Variants in RIMBP2 observed in about 807,000 individuals in gnomAD.
RIMBP2 encodes the protein RIMS binding protein 2, also known as RIMS-binding protein 2.
In RIMBP2, 48 loss-of-function variants were observed where a neutral mutation model predicts 118.6. The observed-to-expected ratio is 0.40, with a 90% CI of 0.32 to 0.51. The LOEUF is 0.51. Among genes scored for constraint, RIMBP2 ranks in the 20% least tolerant of loss-of-function variants. RIMBP2 has a pLI of 0.41. For missense variants in RIMBP2, 1,551 were observed against 1,768.3 expected, an observed-to-expected ratio of 0.88 and a Z score of 2.20; for synonymous variants, 762 against 742.9, an observed-to-expected ratio of 1.03 and a Z score of -0.42.
At chr12:130,541,055 G>T (rs923089472) in intron 2 of RIMBP2, among the ~76,000 whole-genome samples, 1 of 152,146 alleles carries the variant, frequency 6.6e-6, no homozygotes, top group African/African-American at 2.4e-5. Context: ...GCTATCACAG[G>T]ATGGAAGAGG....
At chr12:130,488,932 C>T (rs1258600813) in intron 4 of RIMBP2, among the ~76,000 whole-genome samples, 1 of 152,088 alleles carries the variant, frequency 6.6e-6, no homozygotes, top group African/African-American at 2.4e-5. Flanking sequence ...TGAGAAGAAC[C>T]GATGCATGTA....
intron 1 of RIMBP2, among the ~76,000 whole-genome samples, chr12:130,662,293 T>C (rs1476145210): frequency 6.6e-6 from 1 of 152,124 alleles, no homozygotes; most frequent in Non-Finnish European, 1.5e-5. Context: ...TCGCGTCTCC[T>C]CCTTGGCCAG....
rs1243387499 is a variant in RIMBP2 at position 130,581,236 on chromosome 12, G to A, written c.-217+47086C>T. Among the ~76,000 whole-genome samples the A allele has an allele frequency of 6.6e-6, 1 of 152,112 alleles. No homozygotes were observed. The highest frequency in any genetic ancestry group is 1.9e-4 in the East Asian group (1 of 5,178). On this transcript the variant is annotated intron_variant, in intron 2 of 22. Coordinates refer to ENST00000690449, the MANE Select transcript of RIMBP2 (RefSeq NM_001393629.1). This position sits in a 1 kb window ranked among gnomAD's most constrained non-coding sequence, Gnocchi z 4.4. The stretch of plus-strand genomic sequence containing the variant: ...TCAACTGAAATGCCCCGTGGTCCCA[G>A]GTCACACAGGGGTGTGCCGGGAGTC...
rs534522187 is a variant in RIMBP2 at position 130,648,403 on chromosome 12, T to TA, written c.-351-19948dup. Among the ~76,000 whole-genome samples the TA allele has an allele frequency of 2.5e-4, 36 of 145,176 alleles. 1 individual carries two copies. Among genetic ancestry groups the TA allele is most frequent in the East Asian group, 2.0e-3 (10 of 5,126 alleles). On this transcript the variant is annotated intron_variant, in intron 1 of 22. Transcript: ENST00000690449. ...AATTACACACATAAGGTATTCATTG[T>TA]AAAAAAAATTGAAAAGCATAAAGGA...
intron 1 of RIMBP2, among the ~76,000 whole-genome samples, chr12:130,696,509 C>A (rs551474742): frequency 2.2e-4 from 33 of 152,222 alleles, no homozygotes; most frequent in Admixed American, 3.9e-4. Context: ...TGTAAAGTAA[C>A]AATTAATATA....
Position 130,691,292 on chromosome 12 carries a change from C to A in RIMBP2, c.-352+24930G>T, listed in dbSNP as rs75862904. 3.9e-3 allele frequency among the ~76,000 whole-genome samples: 590 copies of A among 152,276 alleles called. 4 individuals carry two copies. The highest frequency in any genetic ancestry group is 0.013 in the African/African-American group (555 of 41,548). On this transcript the variant is annotated intron_variant, in intron 1 of 22. Coordinates refer to ENST00000690449, the MANE Select transcript of RIMBP2 (RefSeq NM_001393629.1). The stretch of plus-strand genomic sequence containing the variant: ...CAGTGAAGGCCCAGCGGAACCAACC[C>A]GAGGAATGTGTGCTCACAAAGAGGC...
intron 1 of RIMBP2, among the ~76,000 whole-genome samples, chr12:130,709,423 G>A (rs575628226): frequency 6.6e-6 from 1 of 152,370 alleles, no homozygotes; most frequent in Admixed American, 6.5e-5. Flanking sequence ...CGTGACGCCC[G>A]ACAGCAGAGC....
intron 2 of RIMBP2, among the ~76,000 whole-genome samples, chr12:130,558,109 A>T (rs1026352738): frequency 1.3e-5 from 2 of 152,202 alleles, no homozygotes; most frequent in Non-Finnish European, 2.9e-5. Context: ...TACTATGGTT[A>T]TGACAACCAT....
chr12:130,406,344 C>T (rs1156678525), intron 20 of RIMBP2, 101 bp from the exon 21 acceptor site: 10 of 743,974 alleles, frequency 1.3e-5, no homozygotes, highest in Non-Finnish European at 1.6e-5. Flanking sequence ...TTGAGAATTT[C>T]TGGTATTAAT....
intron 2 of RIMBP2, among the ~76,000 whole-genome samples, chr12:130,582,545 A>G (rs1279339354): frequency 6.6e-6 from 1 of 152,208 alleles, no homozygotes; most frequent in Non-Finnish European, 1.5e-5. Flanking sequence ...GAGCACAAGC[A>G]TTTGCCAGCT....
chr12:130,490,629 T>C (rs2048552667), intron 4 of RIMBP2, among the ~76,000 whole-genome samples: 1 of 152,184 alleles, frequency 6.6e-6, no homozygotes, highest in South Asian at 2.1e-4. Context: ...AAGTTCCAGC[T>C]GCCATTTCTC....
chr12:130,641,569 G>A (rs2062625267), intron 1 of RIMBP2, among the ~76,000 whole-genome samples: 1 of 152,212 alleles, frequency 6.6e-6, no homozygotes, highest in South Asian at 2.1e-4. Flanking sequence ...CATCATAACT[G>A]CCGCCCTCAA....
At position 130,525,256 on chromosome 12, in the gene RIMBP2, C is replaced by T. The variant is rs758386688; in HGVS notation, c.-216-7339G>A. Among the ~76,000 whole-genome samples, 3 of 152,172 alleles carry T rather than the reference C, an allele frequency of 2.0e-5. No homozygotes were observed. Among genetic ancestry groups the T allele is most frequent in the African/African-American group, 7.2e-5 (3 of 41,436 alleles). On this transcript the variant is annotated intron_variant, in intron 2 of 22. Transcript: ENST00000690449. The surrounding 1 kb of genome is among the most constrained non-coding windows in gnomAD (Gnocchi z 4.4). Reference sequence around the variant, plus strand: ...TGACCAGAGCCTTGAGAGTGGGGACCGGCAGGTCAGCTACTGCCCAGAAGC... The same window carrying T: ...TGACCAGAGCCTTGAGAGTGGGGACTGGCAGGTCAGCTACTGCCCAGAAGC...
At chr12:130,517,230 G>A (rs1020197968) in intron 3 of RIMBP2, among the ~76,000 whole-genome samples, 2 of 152,096 alleles carry the variant, frequency 1.3e-5, no homozygotes, top group Non-Finnish European at 2.9e-5. Flanking sequence ...AGAGCCCTGA[G>A]CTGGTATGTG....
chr12:130,535,779 A>ATATATATG (rs1566218602), intron 2 of RIMBP2, among the ~76,000 whole-genome samples: 1 of 111,070 alleles, frequency 9.0e-6, no homozygotes, highest in Non-Finnish European at 1.9e-5. Flanking sequence ...ATATATATAT[A>ATATATATG]TATACACATA....
intron 2 of RIMBP2, among the ~76,000 whole-genome samples, chr12:130,574,909 G>C (rs960695548): frequency 4.9e-4 from 74 of 151,914 alleles, no homozygotes; most frequent in Admixed American, 4.8e-3. Context: ...CATGCGTTGT[G>C]AGCAGAAGAC....
intron 2 of RIMBP2, among the ~76,000 whole-genome samples, chr12:130,593,944 G>A (rs67355568): frequency 0.15 from 22,216 of 152,072 alleles, 1,804 homozygotes; most frequent in Non-Finnish European, 0.19. Context: ...GGTGGTTTGC[G>A]TTACAATGTC....
At chr12:130,605,114 T>C (rs1050682356) in intron 2 of RIMBP2, among the ~76,000 whole-genome samples, 7 of 152,016 alleles carry the variant, frequency 4.6e-5, no homozygotes, top group Non-Finnish European at 1.0e-4. Flanking sequence ...CATGACGAGA[T>C]TGCCAGCACG....
intron 1 of RIMBP2, among the ~76,000 whole-genome samples, chr12:130,711,157 C>G (rs1949890226): frequency 6.6e-6 from 1 of 152,160 alleles, no homozygotes. Flanking sequence ...GCAGGAGAAT[C>G]GCTTGAGCCC....
Sources: allele counts gnomAD v4.1 joint callset (sites outside exome capture counted in the v4.1 genomes callset), GRCh38; gene constraint gnomAD v4.1.1; non-coding constraint Gnocchi (gnomAD v3.1); transcripts MANE v1.5; gene names NCBI Gene and HGNC (gene_info 2026-07-23, HGNC 2026-07-21).